Variants in FRYL observed in about 807,000 individuals in gnomAD.
FRYL encodes the protein FRY like transcription coactivator.
A neutral mutation model predicts 351.2 loss-of-function variants in FRYL; 150 were observed. The observed-to-expected ratio is 0.43, with a 90% CI of 0.37 to 0.49. The LOEUF (loss-of-function observed/expected upper bound fraction) is 0.49. Among genes scored for constraint, FRYL ranks in the 20% least tolerant of loss-of-function variants. FRYL has a pLI of 0.00. For missense variants in FRYL, 3,036 were observed against 3,619.3 expected (o/e 0.84, Z 4.13); for synonymous variants, 1,153 against 1,257.1 (o/e 0.92, Z 1.75).
chr4:48,524,375 A>G (rs1327984417), intron 53 of FRYL, among the ~76,000 whole-genome samples: 1 of 152,162 alleles, frequency 6.6e-6, no homozygotes, highest in African/African-American at 2.4e-5. Context: ...TCAGAGTTTG[A>G]AAACCACCTT....
intron 13 of FRYL, among the ~76,000 whole-genome samples, chr4:48,596,569 A>G (rs150483925): frequency 1.1e-4 from 16 of 152,292 alleles, no homozygotes; most frequent in African/African-American, 2.6e-4. Flanking sequence ...ATTCTGAGTC[A>G]CAATTTCCTC....
chr4:48,706,338 T>C (rs1462223238), intron 2 of FRYL, among the ~76,000 whole-genome samples: 1 of 152,180 alleles, frequency 6.6e-6, no homozygotes, highest in Admixed American at 6.5e-5. Flanking sequence ...TAACACGTAC[T>C]ATAACATGAA....
chr4:48,603,543 G>T (rs1198747914), intron 11 of FRYL, among the ~76,000 whole-genome samples, 155 bp from the exon 12 acceptor site: 2 of 152,194 alleles, frequency 1.3e-5, no homozygotes, highest in Non-Finnish European at 2.9e-5. Flanking sequence ...CAAATGTTAA[G>T]TACATAAGAT....
intron 1 of FRYL, among the ~76,000 whole-genome samples, chr4:48,721,819 T>TAA (rs1056475260): frequency 6.6e-5 from 10 of 152,162 alleles, no homozygotes; most frequent in Non-Finnish European, 1.2e-4. Context: ...TTATGTGTTT[T>TAA]AGTACAGATG....
At chr4:48,692,581 C>G (rs903518028) in intron 2 of FRYL, among the ~76,000 whole-genome samples, 23 of 152,174 alleles carry the variant, frequency 1.5e-4, no homozygotes, top group African/African-American at 5.5e-4. Context: ...TTAGTAGAGC[C>G]AAAGTTTTGC....
intron 3 of FRYL, among the ~76,000 whole-genome samples, chr4:48,668,358 G>A (rs1157610064): frequency 1.4e-5 from 2 of 147,488 alleles, no homozygotes; most frequent in Non-Finnish European, 1.5e-5. Context: ...CAGCCTAGGT[G>A]ACAGAGCAAC....
At chr4:48,583,316 T>A (rs1025328373) in intron 19 of FRYL, among the ~76,000 whole-genome samples, 54 of 152,100 alleles carry the variant, frequency 3.6e-4, no homozygotes, top group Non-Finnish European at 3.2e-4. Flanking sequence ...CACACCCAGC[T>A]AATTTTTTGT....
chr4:48,597,077 C>T (rs1257566395), intron 13 of FRYL, among the ~76,000 whole-genome samples: 2 of 152,014 alleles, frequency 1.3e-5, no homozygotes, highest in African/African-American at 4.8e-5. Context: ...ATATACTCCC[C>T]CAGCAATTTC....
rs557993003 is a variant in FRYL, at chr4:48,765,567, A to C, written c.-384+14511T>G. 2.0e-5 allele frequency among the ~76,000 whole-genome samples: 3 copies of C among 152,328 alleles called. No homozygotes were observed. In the East Asian group the frequency reaches 5.8e-4, roughly 29 times the overall value. On this transcript the variant is annotated intron_variant, in intron 1 of 63. Coordinates refer to ENST00000358350, the MANE Select transcript of FRYL (RefSeq NM_015030.2). ...ACTACTAGAAAAAGCATAGGGGGAAAGCTCCATGACACTGGTCTTGGCAAT... is the reference window on the plus strand; with the variant it reads ...ACTACTAGAAAAAGCATAGGGGGAACGCTCCATGACACTGGTCTTGGCAAT...
At chr4:48,517,434 T>G (rs1448549780) in intron 55 of FRYL, among the ~76,000 whole-genome samples, 1 of 152,208 alleles carries the variant, frequency 6.6e-6, no homozygotes, top group Non-Finnish European at 1.5e-5. Flanking sequence ...TGCCTACATA[T>G]CACGAAGAAA....
chr4:48,609,035 A>T lies in FRYL; in HGVS notation c.524T>A (p.Ile175Asn). The T allele has an allele frequency of 6.2e-7, 1 of 1,609,300 alleles. No individual in the cohort carries two copies. The highest frequency in any genetic ancestry group is 8.5e-7 in the Non-Finnish European group (1 of 1,176,078). ...YSGTNTGNVH[I>N]IADLYAEVIG... ...CACCTCTGCATATAAATCAGCAATA[A>T]TATGCACATTCCCAGTGTTGGTTCC... The change falls in exon 9 of 64, where the codon ATT becomes AAT. Residue 175 changes from isoleucine to asparagine, a missense_variant. Coordinates refer to ENST00000358350, the MANE Select transcript of FRYL (RefSeq NM_015030.2).
intron 15 of FRYL, among the ~76,000 whole-genome samples, chr4:48,594,496 G>A (rs939235549): frequency 1.4e-4 from 21 of 152,248 alleles, no homozygotes; most frequent in South Asian, 2.1e-4. Flanking sequence ...TAATTCAAGG[G>A]AGTGGGTACA....
chr4:48,585,781 C>A (rs1468941439), intron 19 of FRYL, among the ~76,000 whole-genome samples: 1 of 152,188 alleles, frequency 6.6e-6, no homozygotes, highest in Non-Finnish European at 1.5e-5. Flanking sequence ...CAAATCAGTG[C>A]AATGAGGATA....
At chr4:48,746,225 T>C (rs1284047309) in intron 1 of FRYL, among the ~76,000 whole-genome samples, 3 of 152,202 alleles carry the variant, frequency 2.0e-5, no homozygotes, top group Admixed American at 6.5e-5. Context: ...TCTCTACTAC[T>C]AACTGGTCTA....
At chr4:48,763,397 G>A (rs1774615064) in intron 1 of FRYL, among the ~76,000 whole-genome samples, 1 of 152,114 alleles carries the variant, frequency 6.6e-6, no homozygotes, top group South Asian at 2.1e-4. Context: ...AGGAGTTCCA[G>A]GCTGCAGTGA....
chr4:48,588,374 A>G (rs1742569788), intron 18 of FRYL, among the ~76,000 whole-genome samples: 1 of 152,166 alleles, frequency 6.6e-6, no homozygotes, highest in Non-Finnish European at 1.5e-5. Flanking sequence ...CCCTTGAGAC[A>G]GTTTCCAGTT....
intron 1 of FRYL, among the ~76,000 whole-genome samples, chr4:48,717,065 T>C (rs1768931056): frequency 7.5e-6 from 1 of 133,976 alleles, no homozygotes; most frequent in Non-Finnish European, 1.5e-5. Flanking sequence ...AGGTGGGAAT[T>C]GAACAACGAG....
At chr4:48,692,127 C>A (rs1404469751) in intron 2 of FRYL, among the ~76,000 whole-genome samples, 1 of 152,134 alleles carries the variant, frequency 6.6e-6, no homozygotes, top group Non-Finnish European at 1.5e-5. Context: ...TAGCCATATT[C>A]ATGCAGGGAG....
At position 48,645,124 on chromosome 4, in the gene FRYL, T is replaced by TTATATATATATATATATATATATATA. The variant is rs36223183; in HGVS notation, c.-80-10660_-80-10635dup. 5.1e-3 allele frequency among the ~76,000 whole-genome samples: 541 copies of TTATATATATATATATATATATATATA among 105,128 alleles called. 24 individuals are homozygous for TTATATATATATATATATATATATATA. Among genetic ancestry groups the TTATATATATATATATATATATATATA allele is most frequent in the Admixed American group, 7.2e-3 (58 of 8,088 alleles). The allele number at this position is 105,128 out of a possible 152,430, so 69.0% of individuals were successfully genotyped here. A position where few individuals can be genotyped will look rare whatever the true frequency, so the allele number is the denominator to read the frequency against. ...ATTAAACCAGCAGTGAGCTTTCATT[T>TTATATATATATATATATATATATATA]TATATATATATATATATATATATAT... On this transcript the variant is annotated intron_variant, in intron 3 of 63. Transcript: ENST00000358350.
Sources: gnomAD v4.1 joint callset for allele counts (sites outside exome capture counted in the v4.1 genomes callset) on GRCh38, gnomAD v4.1.1 for gene constraint, MANE v1.5 for transcripts, NCBI Gene and HGNC (gene_info 2026-07-23, HGNC 2026-07-21) for gene names.